The following ZNF79 variants were observed in gnomAD, a reference collection of about 807,000 sequenced individuals.
ZNF79 encodes the protein ZNFpT7.
ZNF79 carries 13 observed loss-of-function variants against 14.9 expected under a neutral mutation model. The ratio of observed to expected loss-of-function variants is 0.87; its 90% CI spans 0.57 to 1.38. ZNF79 has a LOEUF of 1.38. Ranked by LOEUF, ZNF79 falls within the 40% of genes most tolerant of loss-of-function variation. The pLI is 0.00. For missense variants in ZNF79, 631 were observed against 630.6 expected, an observed-to-expected ratio of 1.00 and a Z score of -0.01; for synonymous variants, 223 against 235.1, an observed-to-expected ratio of 0.95 and a Z score of 0.47.
At chr9:127,443,503 A>G (rs1834087502) in intron 4 of ZNF79, among the ~76,000 whole-genome samples, 1 of 152,212 alleles carries the variant, frequency 6.6e-6, no homozygotes, top group Admixed American at 6.5e-5. Context: ...CTGGCAGCGC[A>G]GTAAGTTTAT....
At chr9:127,433,681 A>G (rs1201940285) in intron 2 of ZNF79, among the ~76,000 whole-genome samples, 1 of 152,132 alleles carries the variant, frequency 6.6e-6, no homozygotes, top group African/African-American at 2.4e-5. Flanking sequence ...GTGATAGAAC[A>G]TCTACACCTG....
chr9:127,433,903 T>C (rs1645409527), intron 2 of ZNF79, among the ~76,000 whole-genome samples: 1 of 152,182 alleles, frequency 6.6e-6, no homozygotes, highest in African/African-American at 2.4e-5. Flanking sequence ...AGCAGGATCC[T>C]CTCTCAACTT....
rs1443297672 is a variant in ZNF79, at chr9:127,424,693, T to C, written c.-95T>C. 6.3e-7 allele frequency: 1 copy of C among 1,587,278 alleles called. No homozygotes were observed. Among genetic ancestry groups the C allele is most frequent in the East Asian group, 2.3e-5 (1 of 44,442 alleles). ...GAGGAAGAGTCCGGCCTGGGAGCCG[T>C]CAGAGCAGCCCTGCAGAACGGGGTG... On this transcript the variant is annotated 5_prime_UTR_variant, in exon 1 of 5. Transcript: ENST00000342483.
Position 127,428,937 on chromosome 9 carries a change from C to T in ZNF79, c.105+17C>T, listed in dbSNP as rs746088021. The T allele has an allele frequency of 1.6e-5, 25 of 1,538,820 alleles. No homozygotes were observed. The highest frequency in any genetic ancestry group is 1.9e-5 in the Non-Finnish European group (21 of 1,134,724). On this transcript the variant is annotated intron_variant, in intron 2 of 4. Coordinates refer to ENST00000342483, the MANE Select transcript of ZNF79 (RefSeq NM_007135.3). ...GGGCCCCGGGTAAGTTGGAAATTAACTTTGGAAGGCATCCTTTTCTTCCCC... is the reference window on the plus strand; with the variant it reads ...GGGCCCCGGGTAAGTTGGAAATTAATTTTGGAAGGCATCCTTTTCTTCCCC...
rs771776531 is a variant in ZNF79, at chr9:127,444,893, T to C, written c.1193T>C (p.Phe398Ser). The change falls in exon 5 of 5, where the codon TTC (phenylalanine) becomes TCC (serine). Residue 398 changes from phenylalanine to serine, a missense_variant. Physicochemically the swap from Phe to Ser is radical, Grantham distance 155. Coordinates refer to ENST00000342483, the MANE Select transcript of ZNF79 (RefSeq NM_007135.3). Reference protein sequence around the residue: ...PYKCSECGKAFSQSTNLIIHQ... With the variant: ...PYKCSECGKASSQSTNLIIHQ... ...AAGTGCAGCGAGTGTGGGAAGGCCT[T>C]CAGCCAGAGTACCAATCTCATAATC... 1 of 1,614,096 alleles carries C rather than the reference T, an allele frequency of 6.2e-7. No individual in the cohort carries two copies. The highest frequency in any genetic ancestry group is 1.1e-5 in the South Asian group (1 of 91,088).
At chr9:127,436,142 A>C in intron 4 of ZNF79, 139 bp downstream of exon 4, 1 of 705,236 alleles carries the variant, frequency 1.4e-6, no homozygotes, top group Non-Finnish European at 2.4e-6. Flanking sequence ...AATGGAGCTG[A>C]GAAAGGCTGG....
At chr9:127,441,887 G>A (rs1490556255) in intron 4 of ZNF79, among the ~76,000 whole-genome samples, 6 of 151,616 alleles carry the variant, frequency 4.0e-5, no homozygotes, top group African/African-American at 1.5e-4. Context: ...AGAGCTTGCA[G>A]TGAGCCGAGA....
At chr9:127,440,212 G>A (rs1365910682) in intron 4 of ZNF79, among the ~76,000 whole-genome samples, 3 of 152,144 alleles carry the variant, frequency 2.0e-5, no homozygotes, top group Admixed American at 1.3e-4. Context: ...ATAAAGCTGC[G>A]CAAGGGATTA....
chr9:127,436,604 C>T (rs1013807810), intron 4 of ZNF79, among the ~76,000 whole-genome samples: 1 of 152,250 alleles, frequency 6.6e-6, no homozygotes, highest in Non-Finnish European at 1.5e-5. Flanking sequence ...CTGCTCTCTC[C>T]CCTAATCTCT....
chr9:127,435,054 G>C, intron 2 of ZNF79, 36 bp from the exon 3 acceptor site: 1 of 1,588,284 alleles, frequency 6.3e-7, no homozygotes, highest in Non-Finnish European at 8.6e-7. Context: ...TAGATCCTAA[G>C]GCCACTGGCA....
At chr9:127,431,231 G>A (rs899200432) in intron 2 of ZNF79, among the ~76,000 whole-genome samples, 2 of 150,702 alleles carry the variant, frequency 1.3e-5, no homozygotes, top group African/African-American at 4.9e-5. Flanking sequence ...GTTGTGTATT[G>A]AGTCTGTTGA....
rs774254577 is a variant in ZNF79 at position 127,435,962 on chromosome 9, C to T, written c.287C>T (p.Ala96Val). Residue 96 changes from alanine (A) to valine (V), a missense_variant, in exon 4 of 5, where the codon GCA becomes GTA. By Grantham distance (64) the Ala-to-Val change is moderately conservative. Transcript: ENST00000342483. ...MNSQLEQREG[A>V]WMLEGEDLRS... Reference sequence around the variant, plus strand: ...TCCCAGTTGGAACAAAGGGAAGGCGCATGGATGCTGGAGGGCGAAGACCTG... The same window carrying T: ...TCCCAGTTGGAACAAAGGGAAGGCGTATGGATGCTGGAGGGCGAAGACCTG... The T allele has an allele frequency of 6.2e-7, 1 of 1,614,238 alleles. No individual in the cohort carries two copies.
chr9:127,425,438 A>G (rs1383513528), intron 1 of ZNF79, among the ~76,000 whole-genome samples: 1 of 152,236 alleles, frequency 6.6e-6, no homozygotes, highest in Non-Finnish European at 1.5e-5. Context: ...CAAATGTGTA[A>G]GCAGGCAACC....
chr9:127,434,613 C>T (rs969351358), intron 2 of ZNF79, among the ~76,000 whole-genome samples: 1 of 152,078 alleles, frequency 6.6e-6, no homozygotes, highest in African/African-American at 2.4e-5. Flanking sequence ...GTGAAATTAT[C>T]ATAGTGTTAG....
chr9:127,435,449 TA>T (rs1833931209), intron 3 of ZNF79, among the ~76,000 whole-genome samples: 1 of 152,170 alleles, frequency 6.6e-6, no homozygotes, highest in South Asian at 2.1e-4. Context: ...AGGGGTGGGG[TA>T]ACCCTCAGGT....
At position 127,445,165 on chromosome 9, in the gene ZNF79, G is replaced by A. The variant is rs1320457288; in HGVS notation, c.1465G>A (p.Val489Ile). The change falls in exon 5 of 5, where the codon GTT (valine) becomes ATT (isoleucine). Residue 489 changes from valine (V) to isoleucine (I), a missense_variant. Val to Ile is a conservative substitution (Grantham distance 29). Coordinates refer to ENST00000342483, the MANE Select transcript of ZNF79 (RefSeq NM_007135.3). ...GGCCTTCCGGTGCAGCTCTGCCTTC[G>A]TTAGACATCAGAGACTCCACGCCGG... ...GKAFRCSSAFVRHQRLHAGE is the reference protein window; with the variant it reads ...GKAFRCSSAFIRHQRLHAGE 5 of 1,614,190 alleles carry A rather than the reference G, an allele frequency of 3.1e-6. No individual in the cohort carries two copies. Among genetic ancestry groups the A allele is most frequent in the East Asian group, 2.2e-5 (1 of 44,892 alleles).
At chr9:127,441,560 C>T (rs1427782545) in intron 4 of ZNF79, among the ~76,000 whole-genome samples, 1 of 152,122 alleles carries the variant, frequency 6.6e-6, no homozygotes, top group East Asian at 1.9e-4. Flanking sequence ...ACCTGTAATC[C>T]GAGCACTTTG....
intron 4 of ZNF79, among the ~76,000 whole-genome samples, chr9:127,437,141 T>C (rs1264464221): frequency 6.6e-6 from 1 of 151,918 alleles, no homozygotes; most frequent in Non-Finnish European, 1.5e-5. Flanking sequence ...TTGCTGCTGA[T>C]AGGGCAATGG....
chr9:127,429,519 C>T (rs1412267686), intron 2 of ZNF79, among the ~76,000 whole-genome samples: 1 of 147,750 alleles, frequency 6.8e-6, no homozygotes, highest in Non-Finnish European at 1.5e-5. Context: ...TTTGTAGAGT[C>T]AGGGTTTTGC....
Sources: gnomAD v4.1 joint callset for allele counts (sites outside exome capture counted in the v4.1 genomes callset) on GRCh38, gnomAD v4.1.1 for gene constraint, MANE v1.5 for transcripts, NCBI Gene and HGNC (gene_info 2026-07-23, HGNC 2026-07-21) for gene names.